The following NPC1L1 variants were observed in gnomAD, a reference collection of about 807,000 sequenced individuals.
NPC1L1 encodes the protein NPC1 like intracellular cholesterol transporter 1.
A neutral mutation model predicts 117.0 loss-of-function variants in NPC1L1; 98 were observed. That is an observed-to-expected ratio of 0.84 (90% CI 0.71 to 0.99). The LOEUF (loss-of-function observed/expected upper bound fraction) is 0.99. Among genes scored for constraint, NPC1L1 ranks in the 50% least tolerant of loss-of-function variants. NPC1L1 has a pLI of 0.00. For missense variants in NPC1L1, 1,540 were observed against 1,710.0 expected (o/e 0.90, Z 1.75); for synonymous variants, 729 against 727.6 (o/e 1.00, Z -0.03).
chr7:44,526,673 G>A (rs1257490894), intron 10 of NPC1L1, among the ~76,000 whole-genome samples: 10 of 151,918 alleles, frequency 6.6e-5, no homozygotes, highest in Non-Finnish European at 1.0e-4. Flanking sequence ...CCAAAAGTTC[G>A]AGACCAGCCT....
Position 44,534,129 on chromosome 7 carries a change from CG to C in NPC1L1, c.2167-277del, listed in dbSNP as rs1563209068. ...GTTCACCAACAGGGAGAGGTGAAAT[CG>C]ACTCTGATTTATCCTTACCATGGAA... On this transcript the variant is annotated intron_variant, in intron 6 of 18. Coordinates refer to ENST00000381160, the MANE Select transcript of NPC1L1 (RefSeq NM_001101648.2). This position sits in a 1 kb window ranked among gnomAD's most constrained non-coding sequence, Gnocchi z 5.2. 1.3e-5 allele frequency among the ~76,000 whole-genome samples: 2 copies of C among 152,202 alleles called. No individual in the cohort carries two copies. Among genetic ancestry groups the C allele is most frequent in the African/African-American group, 4.8e-5 (2 of 41,460 alleles).
chr7:44,528,368 G>A (rs1801589678), intron 10 of NPC1L1, among the ~76,000 whole-genome samples: 1 of 152,176 alleles, frequency 6.6e-6, no homozygotes, highest in Non-Finnish European at 1.5e-5. Flanking sequence ...ACCTCTCAAA[G>A]CATTGGGATT....
In NPC1L1 at chr7:44,534,636, T is replaced by G; in HGVS notation, c.1984-7A>C. ...GCGTGGCCTTGGAGTCCACCTGCAA[T>G]GCAAACAGGCTCAGCCCCCTAGCCA... On this transcript the variant is annotated splice_region_variant and splice_polypyrimidine_tract_variant and intron_variant, in intron 5 of 18. Coordinates refer to ENST00000381160, the MANE Select transcript of NPC1L1 (RefSeq NM_001101648.2). This position sits in a 1 kb window ranked among gnomAD's most constrained non-coding sequence, Gnocchi z 5.2. The G allele has an allele frequency of 6.2e-7, 1 of 1,613,762 alleles. No homozygotes were observed. The highest frequency in any genetic ancestry group is 8.5e-7 in the Non-Finnish European group (1 of 1,179,860).
At chr7:44,537,395 C>T (rs968785352) in intron 2 of NPC1L1, among the ~76,000 whole-genome samples, 3 of 152,206 alleles carry the variant, frequency 2.0e-5, no homozygotes, top group African/African-American at 7.2e-5. Flanking sequence ...CTGTCTCAAA[C>T]GTTGCCCTCT....
rs1801208367 is a variant in NPC1L1 at position 44,516,905 on chromosome 7, A to G, written c.3317T>C (p.Leu1106Pro). The change falls in exon 16 of 19, where the codon CTG becomes CCG. Residue 1106 changes from leucine to proline, a missense_variant. Physicochemically the swap from Leu to Pro is moderately conservative, Grantham distance 98 (BLOSUM62 -3). This residue lies in a region of NPC1L1 where 742 missense variants were observed against 873.6 expected (regional missense o/e 0.85). Coordinates refer to ENST00000381160, the MANE Select transcript of NPC1L1 (RefSeq NM_001101648.2). ...GAAGAGCCCCTCAGGGAGGATGGTC[A>G]GGTACTGCTCATAAAACACATTGGT... ...TITNVFYEQYLTILPEGLFML... is the reference protein window; with the variant it reads ...TITNVFYEQYPTILPEGLFML... 1 of 1,613,812 alleles carries G rather than the reference A, an allele frequency of 6.2e-7. No individual in the cohort carries two copies. Among genetic ancestry groups the G allele is most frequent in the Admixed American group, 1.7e-5 (1 of 59,986 alleles).
chr7:44,536,745 C>T lies in NPC1L1; in HGVS notation c.1681+97G>A, dbSNP rs929963098. On this transcript the variant is annotated intron_variant, in intron 3 of 18. Coordinates refer to ENST00000381160, the MANE Select transcript of NPC1L1 (RefSeq NM_001101648.2). This position sits in a 1 kb window ranked among gnomAD's most constrained non-coding sequence, Gnocchi z 4.7. ...TCCAGAAGCCAGGCTACCCCCAGGCCGCGAGAATCCCCAGCACCACTCCCA... is the reference window on the plus strand; with the variant it reads ...TCCAGAAGCCAGGCTACCCCCAGGCTGCGAGAATCCCCAGCACCACTCCCA... The T allele has an allele frequency of 4.5e-6, 5 of 1,111,730 alleles. No individual in the cohort carries two copies. The highest frequency in any genetic ancestry group is 6.8e-6 in the Non-Finnish European group (5 of 737,826). The allele number at this position is 1,111,730 out of a possible 1,614,324, so 68.9% of individuals were successfully genotyped here.
intron 8 of NPC1L1, 40 bp downstream of exon 8, chr7:44,533,391 C>G: frequency 6.2e-7 from 1 of 1,612,358 alleles, no homozygotes; most frequent in East Asian, 2.2e-5. Flanking sequence ...TGGTGGGAAC[C>G]CAGGGGCAGG....
chr7:44,533,564 A>C lies in NPC1L1; in HGVS notation c.2282-6T>G, dbSNP rs568886746. ...TGGCATGGGGGTCAGGGCCCCTGTGAGGGAGCAGAGGGCTGTCAGGGCACC... is the reference window on the plus strand; with the variant it reads ...TGGCATGGGGGTCAGGGCCCCTGTGCGGGAGCAGAGGGCTGTCAGGGCACC... On this transcript the variant is annotated splice_region_variant and splice_polypyrimidine_tract_variant and intron_variant, in intron 7 of 18. Transcript: ENST00000381160. 3.2e-5 allele frequency: 52 copies of C among 1,614,158 alleles called. No homozygotes were observed. The South Asian group carries it at 5.6e-4, about 17-fold the overall frequency.
intron 14 of NPC1L1, 53 bp downstream of exon 14, chr7:44,520,712 G>T (rs1035293653): frequency 6.7e-6 from 10 of 1,500,988 alleles, no homozygotes; most frequent in African/African-American, 1.4e-5. Context: ...GTTTTCGGGG[G>T]CCCTCCAGAG....
At position 44,516,872 on chromosome 7, in the gene NPC1L1, C is replaced by T. The variant is rs781398788; in HGVS notation, c.3350G>A (p.Ser1117Asn). 2 of 1,614,168 alleles carry T rather than the reference C, an allele frequency of 1.2e-6. No homozygotes were observed. Among genetic ancestry groups the T allele is most frequent in the Non-Finnish European group, 1.7e-6 (2 of 1,180,040 alleles). Residue 1117 changes from serine to asparagine, a missense_variant, in exon 16 of 19, where the codon AGC becomes AAC. Physicochemically the swap from Ser to Asn is conservative, Grantham distance 46. Transcript: ENST00000381160. Reference protein sequence around the residue: ...TILPEGLFMLSLCLVPTFAVS... With the variant: ...TILPEGLFMLNLCLVPTFAVS... The stretch of plus-strand genomic sequence containing the variant: ...AGCGAAGGTGGGCACAAGGCAGAGG[C>T]TGAGCATGAAGAGCCCCTCAGGGAG...
intron 14 of NPC1L1, among the ~76,000 whole-genome samples, chr7:44,519,686 G>A (rs916610295): frequency 2.0e-5 from 3 of 152,100 alleles, no homozygotes; most frequent in Non-Finnish European, 4.4e-5. Context: ...ATGTCTGCAC[G>A]GAGCTATGGC....
At position 44,540,046 on chromosome 7, in the gene NPC1L1, A is replaced by G. The variant is rs770935215; in HGVS notation, c.351T>C (p.Ser117=). The stretch of plus-strand genomic sequence containing the variant: ...GGCAGTGCAGGTTCACAAAATTGTC[A>G]GAGCAGGCTGGGCAGCGGGTGAGGA... The part of the protein sequence containing the change: ...KALLTRCPAC[S]DNFVNLHCHN... The change falls in exon 2 of 19, where the codon TCT becomes TCC. Residue 117 remains serine (S), a synonymous_variant. Coordinates refer to ENST00000381160, the MANE Select transcript of NPC1L1 (RefSeq NM_001101648.2). 1.2e-6 allele frequency: 2 copies of G among 1,614,088 alleles called. No individual in the cohort carries two copies. The highest frequency in any genetic ancestry group is 1.1e-5 in the South Asian group (1 of 91,088).
rs1436465106 is a variant in NPC1L1 at position 44,522,261 on chromosome 7, C to T, written c.2638-19G>A. 6.2e-7 allele frequency: 1 copy of T among 1,608,038 alleles called. No homozygotes were observed. Among genetic ancestry groups the T allele is most frequent in the Non-Finnish European group, 8.5e-7 (1 of 1,177,770 alleles). ...ACGAGTCCTAGGAGTGGAGGAGGGT[C>T]AGTGAGCTTTGGTTCGCTATGCACA... On this transcript the variant is annotated intron_variant, in intron 10 of 18. Coordinates refer to ENST00000381160, the MANE Select transcript of NPC1L1 (RefSeq NM_001101648.2).
chr7:44,529,089 A>G (rs1428002747), intron 10 of NPC1L1, among the ~76,000 whole-genome samples: 1 of 148,266 alleles, frequency 6.7e-6, no homozygotes, highest in Non-Finnish European at 1.5e-5. Context: ...AAAAGAAAAA[A>G]AAGAGTGGTA....
rs371572587 is a variant in NPC1L1, at chr7:44,513,553, C to T, written c.3893G>A (p.Arg1298Gln). Residue 1298 changes from arginine to glutamine, a missense_variant, in exon 19 of 19, where the codon CGA becomes CAA. Transcript: ENST00000381160. ...MVASCPNHPS[R>Q]VSTADNIYVN... ...ATAGATGTTGTCAGCTGTGGAGACTCGGGAGGGGTGATTTGGGCAAGAGGC... is the reference window on the plus strand; with the variant it reads ...ATAGATGTTGTCAGCTGTGGAGACTTGGGAGGGGTGATTTGGGCAAGAGGC... 40 of 1,613,824 alleles carry T rather than the reference C, an allele frequency of 2.5e-5. No individual in the cohort carries two copies. Among genetic ancestry groups the T allele is most frequent in the Non-Finnish European group, 3.2e-5 (38 of 1,179,986 alleles).
At chr7:44,516,517 G>T (rs1013322553) in intron 16 of NPC1L1, among the ~76,000 whole-genome samples, 186 bp downstream of exon 16, 2 of 152,094 alleles carry the variant, frequency 1.3e-5, no homozygotes, top group African/African-American at 4.8e-5. Flanking sequence ...GAGGTAGGAG[G>T]ATCGCTTGAG....
chr7:44,533,754 T>G lies in NPC1L1; in HGVS notation c.2266A>C (p.Ile756Leu). The change falls in exon 7 of 19, where the codon ATC (isoleucine) becomes CTC (leucine). Residue 756 changes from isoleucine (I) to leucine (L), a missense_variant. By Grantham distance (5) the Ile-to-Leu change is conservative (BLOSUM62 2). This residue lies in a region of NPC1L1 where 742 missense variants were observed against 873.6 expected (regional missense o/e 0.85). Transcript: ENST00000381160. ...SMLLCSLSEA[I>L]CFFLGALTPM... ...CCAGGCTCACCTAGGAAGAAGCAGA[T>G]GGCCTCAGAGAGGCTGCACAACAGC... 6.2e-7 allele frequency: 1 copy of G among 1,614,120 alleles called. No homozygotes were observed. Among genetic ancestry groups the G allele is most frequent in the East Asian group, 2.2e-5 (1 of 44,892 alleles).
At chr7:44,523,059 TG>T (rs1376669817) in intron 10 of NPC1L1, among the ~76,000 whole-genome samples, 1 of 152,106 alleles carries the variant, frequency 6.6e-6, no homozygotes, top group East Asian at 1.9e-4. Flanking sequence ...ATTTTGTTTT[TG>T]TTTTGTTTTG....
Position 44,536,264 on chromosome 7 carries a change from T to C in NPC1L1, c.1846A>G (p.Met616Val), listed in dbSNP as rs145554241. Residue 616 changes from methionine (M) to valine (V), a missense_variant, in exon 4 of 19, where the codon ATG (methionine) becomes GTG (valine). Met to Val is a conservative substitution (Grantham distance 21). This residue lies in a region of NPC1L1 where 793 missense variants were observed against 820.4 expected (regional missense o/e 0.97). Transcript: ENST00000381160. This position sits in a 1 kb window ranked among gnomAD's most constrained non-coding sequence, Gnocchi z 4.7. The part of the protein sequence containing the change: ...RMAGMFQVTF[M>V]AERSLEDEIN... The stretch of plus-strand genomic sequence containing the variant: ...GACCCTGCAGCCCCTACCTCAGCCA[T>C]GAACGTGACCTGGAACATGCCAGCC... 3.9e-5 allele frequency: 63 copies of C among 1,613,752 alleles called. No homozygotes were observed. The African/African-American group carries it at 6.1e-4, about 16-fold the overall frequency.
Sources: allele counts gnomAD v4.1 joint callset (sites outside exome capture counted in the v4.1 genomes callset), GRCh38; gene constraint gnomAD v4.1.1; regional missense constraint gnomAD v4.1.1; non-coding constraint Gnocchi (gnomAD v3.1); transcripts MANE v1.5; gene names NCBI Gene and HGNC (gene_info 2026-07-23, HGNC 2026-07-21).